Variants in ASZ1 observed in about 807,000 individuals in gnomAD.
ASZ1 encodes the protein ankyrin repeat, SAM and basic leucine zipper domain-containing protein 1.
Under a neutral mutation model 61.8 loss-of-function variants are expected in ASZ1, and 67 were observed. That is an observed-to-expected ratio of 1.08 (90% CI 0.89 to 1.33). The LOEUF (loss-of-function observed/expected upper bound fraction) is 1.33. ASZ1 is among the 40% of genes most tolerant of loss of function. ASZ1 has a pLI of 0.00. For synonymous variants in ASZ1, 193 were observed against 192.7 expected (o/e 1.00, Z -0.01); for missense variants, 577 against 554.5 (o/e 1.04, Z -0.41).
At chr7:117,427,301 G>T (rs970016014) in intron 1 of ASZ1, 55 bp downstream of exon 1, 4 of 1,580,786 alleles carry the variant, frequency 2.5e-6, no homozygotes, top group Non-Finnish European at 3.5e-6. Context: ...CCTCGCCTTC[G>T]AGGGCCAGGG....
intron 4 of ASZ1, among the ~76,000 whole-genome samples, chr7:117,412,568 G>T (rs1205099499): frequency 6.6e-6 from 1 of 151,770 alleles, no homozygotes; most frequent in African/African-American, 2.4e-5. Context: ...ATTAAAACAT[G>T]CAATAACATT....
intron 9 of ASZ1, 58 bp from the exon 10 acceptor site, chr7:117,380,105 T>C (rs2116464991): frequency 1.8e-6 from 2 of 1,097,860 alleles, no homozygotes; most frequent in East Asian, 2.4e-5. Context: ...AATTTAAAAC[T>C]CAAAATTGCT....
chr7:117,409,403 G>A (rs1796851826), intron 4 of ASZ1, among the ~76,000 whole-genome samples: 1 of 151,832 alleles, frequency 6.6e-6, no homozygotes, highest in Admixed American at 6.6e-5. Flanking sequence ...CTTTAAGTCA[G>A]TGTTCCTTTA....
intron 10 of ASZ1, among the ~76,000 whole-genome samples, chr7:117,369,056 T>C (rs560597659): frequency 6.6e-6 from 1 of 152,226 alleles, no homozygotes; most frequent in Admixed American, 6.5e-5. Context: ...TTATTTCTTT[T>C]GATTTTTCCT....
chr7:117,364,173 C>T (rs904855122), intron 12 of ASZ1, among the ~76,000 whole-genome samples: 2 of 152,002 alleles, frequency 1.3e-5, no homozygotes, highest in African/African-American at 4.8e-5. Flanking sequence ...TTAGCAAAAA[C>T]GAGAAGATCA....
chr7:117,394,119 T>C (rs1796532008), intron 4 of ASZ1, among the ~76,000 whole-genome samples: 1 of 151,834 alleles, frequency 6.6e-6, no homozygotes, highest in Non-Finnish European at 1.5e-5. Context: ...GCCCCCCTTT[T>C]TAGGAGACAG....
At chr7:117,422,523 G>A (rs1015554795) in intron 2 of ASZ1, among the ~76,000 whole-genome samples, 164 bp from the exon 3 acceptor site, 3 of 152,176 alleles carry the variant, frequency 2.0e-5, no homozygotes, top group Admixed American at 1.3e-4. Flanking sequence ...GTTATATTGG[G>A]ACATTAACAC....
chr7:117,388,483 G>A (rs1796401019), intron 4 of ASZ1, among the ~76,000 whole-genome samples: 1 of 151,944 alleles, frequency 6.6e-6, no homozygotes, highest in South Asian at 2.1e-4. Context: ...GGAATGCAAG[G>A]CTGGTTTGAT....
chr7:117,367,916 C>T (rs1795974895), intron 11 of ASZ1: 1 of 970,010 alleles, frequency 1.0e-6, no homozygotes, highest in Non-Finnish European at 1.2e-6. Context: ...GTGTCTTGTT[C>T]TGTTGCCCAG....
At chr7:117,383,324 A>T (rs909250109) in intron 6 of ASZ1, among the ~76,000 whole-genome samples, 1 of 152,030 alleles carries the variant, frequency 6.6e-6, no homozygotes, top group Non-Finnish European at 1.5e-5. Flanking sequence ...CGATATTTTG[A>T]TACACATATA....
chr7:117,367,719 T>G (rs1352943772), intron 11 of ASZ1: 1 of 963,474 alleles, frequency 1.0e-6, no homozygotes, highest in East Asian at 6.4e-5. Flanking sequence ...ATAACATTTA[T>G]GATGAACAAA....
intron 4 of ASZ1, among the ~76,000 whole-genome samples, chr7:117,417,383 T>A (rs1438349233): frequency 1.3e-5 from 2 of 152,234 alleles, no homozygotes; most frequent in African/African-American, 2.4e-5. Flanking sequence ...AGTAAATTCA[T>A]CTGAAGATCT....
chr7:117,370,804 T>TTGTGTGTGTGTGTGTGTG (rs3138784), intron 10 of ASZ1, among the ~76,000 whole-genome samples: 1 of 133,300 alleles, frequency 7.5e-6, no homozygotes, highest in Non-Finnish European at 1.6e-5. Flanking sequence ...CCAAAGGTAA[T>TTGTGTGTGTGTGTGTGTG]TGTGTGTGTG....
At chr7:117,379,166 T>TACACACACACAC (rs1314835634) in intron 10 of ASZ1, among the ~76,000 whole-genome samples, 14 of 61,714 alleles carry the variant, frequency 2.3e-4, no homozygotes, top group African/African-American at 9.6e-4. Flanking sequence ...TATATATATA[T>TACACACACACAC]ATACACACAC....
chr7:117,426,830 T>A lies in ASZ1; in HGVS notation c.205+6A>T, dbSNP rs768059344. 264 of 1,593,328 alleles carry A rather than the reference T, an allele frequency of 1.7e-4. No individual in the cohort carries two copies. Among genetic ancestry groups the A allele is most frequent in the Non-Finnish European group, 2.2e-4 (259 of 1,173,710 alleles). ...TGTTCAGATGAAACTGTCCCTTATC[T>A]CTCACCAGAATCTAGGAGCTCCTGG... On this transcript the variant is annotated splice_donor_region_variant and intron_variant, in intron 2 of 12. Transcript: ENST00000284629.
intron 4 of ASZ1, among the ~76,000 whole-genome samples, chr7:117,399,382 TG>T (rs1432833554): frequency 6.6e-6 from 1 of 152,258 alleles, no homozygotes; most frequent in Admixed American, 6.5e-5. Context: ...TCCCAGTTTT[TG>T]TTCCTAGAGA....
chr7:117,388,517 T>A (rs1446970936), intron 4 of ASZ1, among the ~76,000 whole-genome samples: 2 of 152,058 alleles, frequency 1.3e-5, no homozygotes, highest in African/African-American at 4.8e-5. Flanking sequence ...ATCAATATAA[T>A]GTACCATATT....
chr7:117,412,038 A>AAG (rs1331241000), intron 4 of ASZ1, among the ~76,000 whole-genome samples: 1 of 108,832 alleles, frequency 9.2e-6, no homozygotes, highest in Non-Finnish European at 1.8e-5. Flanking sequence ...AAGTGAAAAG[A>AAG]AGTGTGTGTG....
At chr7:117,364,613 T>A (rs550601400) in intron 12 of ASZ1, among the ~76,000 whole-genome samples, 11 of 152,160 alleles carry the variant, frequency 7.2e-5, no homozygotes, top group Admixed American at 5.9e-4. Context: ...CATCCTGTGC[T>A]GGAGTGATGA....
Sources: gnomAD v4.1 joint callset for allele counts (sites outside exome capture counted in the v4.1 genomes callset) on GRCh38, gnomAD v4.1.1 for gene constraint, MANE v1.5 for transcripts, NCBI Gene and HGNC (gene_info 2026-07-23, HGNC 2026-07-21) for gene names.